Variants in TCF4 observed in about 807,000 individuals in gnomAD.
TCF4 encodes transcription factor 4.
TCF4 carries 3 observed loss-of-function variants against 82.1 expected under a neutral mutation model. That is an observed-to-expected ratio of 0.04 (90% confidence interval 0.02 to 0.09). The LOEUF is 0.09. Among genes scored for constraint, TCF4 ranks in the 10% least tolerant of loss-of-function variants. The pLI is 1.00. For missense variants in TCF4, 518 were observed against 852.7 expected, an observed-to-expected ratio of 0.61 and a Z score of 4.89; for synonymous variants, 276 against 309.6, an observed-to-expected ratio of 0.89 and a Z score of 1.14.
chr18:55,311,694 G>A (rs1286591234), intron 8 of TCF4, among the ~76,000 whole-genome samples: 1 of 152,054 alleles, frequency 6.6e-6, no homozygotes, highest in Non-Finnish European at 1.5e-5. Flanking sequence ...CTCTAACTTT[G>A]ACACAGGTAA....
At chr18:55,593,292 AC>A (rs2097687627), upstream of TCF4, among the ~76,000 whole-genome samples, 1 of 152,154 alleles carries the variant, frequency 6.6e-6, no homozygotes, top group South Asian at 2.1e-4. Context: ...TATCTTAAAT[AC>A]CTTACATGAC....
chr18:55,477,863 G>A (rs1177548538), intron 3 of TCF4, among the ~76,000 whole-genome samples: 1 of 152,106 alleles, frequency 6.6e-6, no homozygotes, highest in Non-Finnish European at 1.5e-5. Context: ...AGGCATTTTT[G>A]GTTCTAGTAG....
At chr18:55,400,527 A>G (rs7238888) in intron 6 of TCF4, among the ~76,000 whole-genome samples, 38,481 of 152,100 alleles carry the variant, frequency 0.25, 5,133 homozygotes, top group East Asian at 0.48. Flanking sequence ...AAATGCATTA[A>G]TGAAATAATA....
chr18:55,519,741 T>G (rs971431253), intron 3 of TCF4, among the ~76,000 whole-genome samples: 1 of 152,216 alleles, frequency 6.6e-6, no homozygotes. Context: ...TTAGCATATG[T>G]GTAACTTCAT....
intron 8 of TCF4, among the ~76,000 whole-genome samples, chr18:55,308,375 T>A (rs577750565): frequency 6.6e-6 from 1 of 152,192 alleles, no homozygotes; most frequent in Non-Finnish European, 1.5e-5. Context: ...ATGGTGAATA[T>A]TGAACCCAAT....
At chr18:55,362,393 AGAAGGAAGGAAG>A (rs1190854292) in intron 6 of TCF4, among the ~76,000 whole-genome samples, 1 of 43,472 alleles carries the variant, frequency 2.3e-5, no homozygotes, top group Admixed American at 2.8e-4. Flanking sequence ...AAGGAAGGAA[AGAAGGAAGGAAG>A]GAAGGAAGGA....
At position 55,463,410 on chromosome 18, in the gene TCF4, C is replaced by T. The variant is rs139292735; in HGVS notation, c.207+666G>A. On this transcript the variant is annotated intron_variant, in intron 4 of 19. Coordinates refer to ENST00000354452, the MANE Select transcript of TCF4 (RefSeq NM_001083962.2). ...TTAACCACCCACCCAACTCTTATTCCATGGTCTTCCTATTACATTCCTATT... is the reference window on the plus strand; with the variant it reads ...TTAACCACCCACCCAACTCTTATTCTATGGTCTTCCTATTACATTCCTATT... Among the ~76,000 whole-genome samples, 86 of 152,274 alleles carry T rather than the reference C, an allele frequency of 5.6e-4. 1 individual carries two copies. The highest frequency in any genetic ancestry group is 3.4e-3 in the Middle Eastern group (1 of 294).
chr18:55,237,539 C>T (rs1287000991), intron 15 of TCF4, among the ~76,000 whole-genome samples: 2 of 149,556 alleles, frequency 1.3e-5, no homozygotes, highest in South Asian at 2.1e-4. Context: ...GTGCAATCTC[C>T]GTTCACTGCA....
intron 5 of TCF4, among the ~76,000 whole-genome samples, chr18:55,416,582 ATC>A (rs1294598836): frequency 6.6e-6 from 1 of 152,258 alleles, no homozygotes; most frequent in Admixed American, 6.5e-5. Flanking sequence ...ATTTTTTAGC[ATC>A]CTTCATAAAC....
rs1165104219 is a variant in TCF4, at chr18:55,622,013, T to G, written c.286+9285A>C. 4.5e-5 allele frequency among the ~76,000 whole-genome samples: 6 copies of G among 133,766 alleles called. No individual in the cohort carries two copies. In the South Asian group the frequency reaches 1.3e-3, roughly 29 times the overall value. 87.8% of individuals were successfully genotyped at this position (133,766 alleles called of 152,430 possible). ...CTATATATTATATATACACTATATA[T>G]ATTATATACACTATATATTATATAT... On this transcript the variant is annotated intron_variant, in intron 2 of 20. Transcript: ENST00000398339.
intron 6 of TCF4, among the ~76,000 whole-genome samples, chr18:55,396,791 A>G (rs957167396): frequency 1.3e-5 from 2 of 152,198 alleles, no homozygotes; most frequent in Non-Finnish European, 2.9e-5. Context: ...GAATACTTTA[A>G]TGCTTCCAAC....
At chr18:55,272,652 C>T (rs2060629362) in intron 10 of TCF4, among the ~76,000 whole-genome samples, 1 of 151,996 alleles carries the variant, frequency 6.6e-6, no homozygotes, top group African/African-American at 2.4e-5. Context: ...TGGGTTTGGG[C>T]AGGATTTCAC....
At chr18:55,458,113 T>A (rs2095802028) in intron 5 of TCF4, among the ~76,000 whole-genome samples, 1 of 152,162 alleles carries the variant, frequency 6.6e-6, no homozygotes, top group Non-Finnish European at 1.5e-5. Flanking sequence ...CTCTTTCCTA[T>A]AAAATTAGTG....
chr18:55,314,999 C>A (rs1213296061), intron 8 of TCF4, among the ~76,000 whole-genome samples: 2 of 152,100 alleles, frequency 1.3e-5, no homozygotes, highest in Admixed American at 1.3e-4. Context: ...AGGACAGCTA[C>A]AATGGAAGCA....
chr18:55,327,774 A>T (rs190986726), intron 8 of TCF4, among the ~76,000 whole-genome samples: 2 of 152,170 alleles, frequency 1.3e-5, no homozygotes, highest in African/African-American at 4.8e-5. Flanking sequence ...GAAAGAAGAG[A>T]CTTCTCATTT....
chr18:55,543,036 T>C (rs1231387247), intron 3 of TCF4, among the ~76,000 whole-genome samples: 1 of 152,094 alleles, frequency 6.6e-6, no homozygotes, highest in Non-Finnish European at 1.5e-5. Flanking sequence ...GACCTGACTG[T>C]TCCCATTTTA....
intron 3 of TCF4, among the ~76,000 whole-genome samples, chr18:55,571,739 T>TG (rs927746179): frequency 1.0e-4 from 14 of 136,116 alleles, no homozygotes; most frequent in Non-Finnish European, 2.0e-4. Flanking sequence ...AGGTAGAGGG[T>TG]GTTTTTTTTT....
chr18:55,369,092 C>G (rs541540646), intron 6 of TCF4, among the ~76,000 whole-genome samples: 1 of 152,128 alleles, frequency 6.6e-6, no homozygotes, highest in Non-Finnish European at 1.5e-5. Context: ...AAAATGGTGA[C>G]GTCTGTTGAA....
At chr18:55,603,959 C>A (rs1403825654) in intron 2 of TCF4, among the ~76,000 whole-genome samples, 1 of 152,132 alleles carries the variant, frequency 6.6e-6, no homozygotes, top group African/African-American at 2.4e-5. Flanking sequence ...GACAGATCCT[C>A]ACGTCATCAA....
Sources: gnomAD v4.1 joint callset for allele counts (sites outside exome capture counted in the v4.1 genomes callset) on GRCh38, gnomAD v4.1.1 for gene constraint, MANE v1.5 for transcripts, NCBI Gene and HGNC (gene_info 2026-07-23, HGNC 2026-07-21) for gene names.